LRMDA: variants seen among roughly 807,000 people sequenced by gnomAD.
LRMDA encodes leucine rich melanocyte differentiation associated.
Under a neutral mutation model 29.8 loss-of-function variants are expected in LRMDA, and 18 were observed. The observed-to-expected ratio is 0.60, with a 90% CI of 0.42 to 0.90. The LOEUF is 0.90. LRMDA is among the 40% of genes least tolerant of loss of function. The pLI is 0.00. For synonymous variants in LRMDA, 125 were observed against 109.4 expected (o/e 1.14, Z -0.89); for missense variants, 273 against 273.9 (o/e 1.00, Z 0.02).
chr10:76,284,734 G>A (rs1840250321), intron 5 of LRMDA, among the ~76,000 whole-genome samples: 1 of 152,100 alleles, frequency 6.6e-6, no homozygotes, highest in Non-Finnish European at 1.5e-5. Context: ...GTTGTGGTAG[G>A]GACCCAGCGG....
intron 2 of LRMDA, among the ~76,000 whole-genome samples, chr10:75,724,332 A>G (rs906012662): frequency 2.0e-5 from 3 of 152,352 alleles, no homozygotes; most frequent in East Asian, 1.9e-4. Context: ...AGGGCTCCCC[A>G]TTATGCCACC....
chr10:76,487,621 G>A (rs1051367606), intron 6 of LRMDA, among the ~76,000 whole-genome samples: 1 of 151,760 alleles, frequency 6.6e-6, no homozygotes, highest in Non-Finnish European at 1.5e-5. Context: ...CTCTGTTTAA[G>A]GTAGGGTTAG....
chr10:76,370,838 C>G (rs1376321835), intron 6 of LRMDA, among the ~76,000 whole-genome samples: 1 of 151,902 alleles, frequency 6.6e-6, no homozygotes, highest in Non-Finnish European at 1.5e-5. Flanking sequence ...GTAGGTCAAC[C>G]CATTATAAGT....
At chr10:75,797,440 C>T (rs573806735) in intron 2 of LRMDA, among the ~76,000 whole-genome samples, 1 of 152,210 alleles carries the variant, frequency 6.6e-6, no homozygotes, top group Non-Finnish European at 1.5e-5. Context: ...GCATGTTCTT[C>T]AGTGATTTTT....
intron 5 of LRMDA, among the ~76,000 whole-genome samples, chr10:76,266,763 G>T (rs898872833): frequency 7.9e-5 from 12 of 152,122 alleles, no homozygotes; most frequent in Non-Finnish European, 1.8e-4. Context: ...TGGCATTTTT[G>T]ATGAGTTTTG....
intron 2 of LRMDA, among the ~76,000 whole-genome samples, chr10:75,922,056 A>ACTTGTAG (rs1846031859): frequency 6.6e-6 from 1 of 152,118 alleles, no homozygotes; most frequent in African/African-American, 2.4e-5. Context: ...CCAAATGTAA[A>ACTTGTAG]CTTGTAGCAA....
chr10:76,168,209 G>A (rs989803349), intron 5 of LRMDA, among the ~76,000 whole-genome samples: 1 of 152,096 alleles, frequency 6.6e-6, no homozygotes, highest in African/African-American at 2.4e-5. Context: ...ACAGGACTTT[G>A]AATTATATAA....
At chr10:76,067,342 A>T (rs774402826) in intron 5 of LRMDA, among the ~76,000 whole-genome samples, 40 of 152,190 alleles carry the variant, frequency 2.6e-4, no homozygotes, top group Non-Finnish European at 1.6e-4. Context: ...TCTGCACATT[A>T]TCAGCTTGAC....
chr10:75,496,169 A>G (rs1845043023), intron 2 of LRMDA, among the ~76,000 whole-genome samples: 1 of 152,240 alleles, frequency 6.6e-6, no homozygotes, highest in African/African-American at 2.4e-5. Flanking sequence ...TTAAACAGAG[A>G]TCTAGGAACT....
At chr10:75,913,199 C>T (rs1182614478) in intron 2 of LRMDA, among the ~76,000 whole-genome samples, 2 of 152,120 alleles carry the variant, frequency 1.3e-5, no homozygotes, top group African/African-American at 2.4e-5. Context: ...TGGCTCAGGC[C>T]TGTAATCCCA....
At chr10:76,180,556 G>T (rs1851029182) in intron 5 of LRMDA, among the ~76,000 whole-genome samples, 1 of 152,058 alleles carries the variant, frequency 6.6e-6, no homozygotes, top group Non-Finnish European at 1.5e-5. Flanking sequence ...TGGGATTACA[G>T]ACATGAGCCA....
chr10:75,609,646 G>A (rs986378179), intron 2 of LRMDA, among the ~76,000 whole-genome samples: 1 of 152,206 alleles, frequency 6.6e-6, no homozygotes, highest in Non-Finnish European at 1.5e-5. Context: ...GTGGACAGGT[G>A]TAGTGCATTG....
At chr10:76,080,080 G>A (rs1054860800) in intron 5 of LRMDA, among the ~76,000 whole-genome samples, 8 of 151,584 alleles carry the variant, frequency 5.3e-5, no homozygotes, top group African/African-American at 1.5e-4. Flanking sequence ...CCTTCCCTTC[G>A]AAATAGATAT....
rs186617772 is a variant in LRMDA, at chr10:75,956,016, A to G, written c.132-79992A>G. Among the ~76,000 whole-genome samples, 15 of 152,306 alleles carry G rather than the reference A, an allele frequency of 9.8e-5. No individual in the cohort carries two copies. The East Asian group carries it at 2.7e-3, about 27-fold the overall frequency. On this transcript the variant is annotated intron_variant, in intron 2 of 6. Coordinates refer to ENST00000611255, the MANE Select transcript of LRMDA (RefSeq NM_001305581.2). ...TTATATTTATTATCTCCTAATTTCT[A>G]TGGGCAAGGGATTTAGTAGCAACTT...
intron 5 of LRMDA, among the ~76,000 whole-genome samples, chr10:76,097,895 A>G (rs1230101416): frequency 6.6e-6 from 1 of 152,150 alleles, no homozygotes; most frequent in African/African-American, 2.4e-5. Flanking sequence ...TGATATTTCA[A>G]TAAATATAAT....
chr10:76,539,685 G>A (rs981278935), intron 6 of LRMDA, among the ~76,000 whole-genome samples: 3 of 152,160 alleles, frequency 2.0e-5, no homozygotes, highest in Non-Finnish European at 2.9e-5. Flanking sequence ...CTTCAGTCAA[G>A]TCAGCTGTAT....
chr10:75,862,667 T>A (rs1844951981), intron 2 of LRMDA, among the ~76,000 whole-genome samples: 4 of 152,190 alleles, frequency 2.6e-5, no homozygotes, highest in Admixed American at 2.6e-4. Context: ...CAATCGGTAG[T>A]GCATTAACAG....
At chr10:75,660,704 G>GTT (rs555512385) in intron 2 of LRMDA, among the ~76,000 whole-genome samples, 3 of 146,010 alleles carry the variant, frequency 2.1e-5, no homozygotes, top group Non-Finnish European at 3.0e-5. Flanking sequence ...TGTTCACCAT[G>GTT]TTTTTTTTTT....
chr10:75,837,464 T>TA (rs1844460089), intron 2 of LRMDA, among the ~76,000 whole-genome samples: 1 of 152,152 alleles, frequency 6.6e-6, no homozygotes, highest in South Asian at 2.1e-4. Context: ...TTTTAGTTGT[T>TA]AAAAAATAGA....
Sources: allele counts gnomAD v4.1 joint callset (sites outside exome capture counted in the v4.1 genomes callset), GRCh38; gene constraint gnomAD v4.1.1; transcripts MANE v1.5; gene names NCBI Gene and HGNC (gene_info 2026-07-23, HGNC 2026-07-21).